PPP1R12B: variants seen among roughly 807,000 people sequenced by gnomAD.
The protein encoded by PPP1R12B is protein phosphatase 1 regulatory subunit 12B.
A neutral mutation model predicts 126.1 loss-of-function variants in PPP1R12B; 76 were observed. The ratio of observed to expected loss-of-function variants is 0.60; its 90% CI spans 0.50 to 0.73. PPP1R12B has a LOEUF of 0.73. PPP1R12B is among the 30% of genes least tolerant of loss of function. The probability of loss-of-function intolerance (pLI) is 0.00; values close to 1 mark genes in which losing one functional copy is unlikely to be tolerated. For synonymous variants in PPP1R12B, 356 were observed against 434.7 expected, an observed-to-expected ratio of 0.82 and a Z score of 2.25; for missense variants, 1,052 against 1,205.1, an observed-to-expected ratio of 0.87 and a Z score of 1.88.
chr1:202,438,061 G>GA (rs1553285909), intron 10 of PPP1R12B, 37 bp downstream of exon 10: 9 of 1,430,394 alleles, frequency 6.3e-6, no homozygotes, highest in Middle Eastern at 1.8e-4. Context: ...TTCCAAGGCA[G>GA]TTTTTTTTTT....
At chr1:202,528,277 A>G (rs1466578720) in intron 18 of PPP1R12B, among the ~76,000 whole-genome samples, 1 of 152,258 alleles carries the variant, frequency 6.6e-6, no homozygotes, top group Non-Finnish European at 1.5e-5. Context: ...CATATGCAAT[A>G]TCATACAAAC....
At chr1:202,410,422 G>C (rs1667239372) in intron 1 of PPP1R12B, among the ~76,000 whole-genome samples, 1 of 152,258 alleles carries the variant, frequency 6.6e-6, no homozygotes, top group African/African-American at 2.4e-5. Context: ...ATGGGGAAGA[G>C]AGTTGTTCTG....
At chr1:202,509,731 T>G (rs1018353280) in intron 18 of PPP1R12B, among the ~76,000 whole-genome samples, 5 of 152,178 alleles carry the variant, frequency 3.3e-5, no homozygotes, top group African/African-American at 1.2e-4. Context: ...TTTTGCCTTG[T>G]CAACGCTTAG....
intron 22 of PPP1R12B, 33 bp from the exon 23 acceptor site, chr1:202,569,114 A>G (rs756951434): frequency 4.9e-5 from 78 of 1,607,214 alleles, no homozygotes; most frequent in Admixed American, 6.7e-5. Context: ...TCTGAATTCA[A>G]TAATGTTCAA....
intron 15 of PPP1R12B, among the ~76,000 whole-genome samples, 192 bp from the exon 16 acceptor site, chr1:202,495,098 GTTT>G (rs768986892): frequency 7.9e-6 from 1 of 126,094 alleles, no homozygotes. Context: ...TAGCAGCTGT[GTTT>G]TTTTTTTTTT....
chr1:202,413,014 T>C (rs2148605207), intron 1 of PPP1R12B, among the ~76,000 whole-genome samples: 1 of 152,100 alleles, frequency 6.6e-6, no homozygotes, highest in South Asian at 2.1e-4. Context: ...GAATGGGATA[T>C]ACTTGTGGAA....
At chr1:202,525,751 G>A (rs1282149688) in intron 18 of PPP1R12B, among the ~76,000 whole-genome samples, 1 of 152,086 alleles carries the variant, frequency 6.6e-6, no homozygotes, top group Admixed American at 6.5e-5. Context: ...CTGGAGTGGT[G>A]CAATGGTGCA....
intron 1 of PPP1R12B, among the ~76,000 whole-genome samples, chr1:202,412,674 C>T (rs1212947189): frequency 1.3e-5 from 2 of 152,162 alleles, no homozygotes; most frequent in African/African-American, 4.8e-5. Flanking sequence ...GCACATTTGA[C>T]CTTCTTGATA....
chr1:202,437,700 GTTC>G (rs1023323858), intron 9 of PPP1R12B, 118 bp from the exon 10 acceptor site: 17 of 855,752 alleles, frequency 2.0e-5, no homozygotes, highest in African/African-American at 3.4e-5. Context: ...CCATGTATTT[GTTC>G]TTCTTAGCTA....
At chr1:202,413,639 G>A (rs909782778) in intron 1 of PPP1R12B, among the ~76,000 whole-genome samples, 1 of 151,960 alleles carries the variant, frequency 6.6e-6, no homozygotes, top group Non-Finnish European at 1.5e-5. Context: ...AAAATATGTA[G>A]TTATTAAATA....
intron 1 of PPP1R12B, among the ~76,000 whole-genome samples, chr1:202,385,878 A>G (rs1202333161): frequency 1.3e-5 from 2 of 152,018 alleles, no homozygotes; most frequent in Non-Finnish European, 1.5e-5. Context: ...GGACAATTAT[A>G]ATAAGGAGAC....
intron 18 of PPP1R12B, among the ~76,000 whole-genome samples, chr1:202,500,546 A>G (rs1680111842): frequency 6.6e-6 from 1 of 152,222 alleles, no homozygotes; most frequent in Admixed American, 6.5e-5. Context: ...AGTTGAGCTC[A>G]TAGAAGTAGA....
chr1:202,567,860 C>T (rs1429268756), intron 22 of PPP1R12B, 29 bp downstream of exon 22: 15 of 1,608,930 alleles, frequency 9.3e-6, no homozygotes, highest in Non-Finnish European at 1.3e-5. Context: ...CCCCCTCCAC[C>T]CCATTTCATC....
chr1:202,431,209 AT>A (rs1317052364), intron 7 of PPP1R12B, among the ~76,000 whole-genome samples: 3 of 152,100 alleles, frequency 2.0e-5, no homozygotes, highest in African/African-American at 7.2e-5. Flanking sequence ...TTGTTAAATG[AT>A]TTTTTTGAAT....
At chr1:202,566,112 C>T (rs1277855435) in intron 21 of PPP1R12B, among the ~76,000 whole-genome samples, 1 of 152,228 alleles carries the variant, frequency 6.6e-6, no homozygotes, top group Non-Finnish European at 1.5e-5. Flanking sequence ...CCACTCTTCT[C>T]AGCGGAAGCT....
chr1:202,529,827 A>T lies in PPP1R12B; in HGVS notation c.2491-29050A>T, dbSNP rs1683742906. Among the ~76,000 whole-genome samples the T allele has an allele frequency of 2.0e-5, 3 of 152,306 alleles. No individual in the cohort carries two copies. The South Asian group carries it at 6.2e-4, about 32-fold the overall frequency. On this transcript the variant is annotated intron_variant, in intron 18 of 23. Transcript: ENST00000608999. ...TATTTTAAAAGTTATTCTAAAATTAATTCTGTACCTTTCTCCTCTGTACCT... is the reference window on the plus strand; with the variant it reads ...TATTTTAAAAGTTATTCTAAAATTATTTCTGTACCTTTCTCCTCTGTACCT...
intron 1 of PPP1R12B, among the ~76,000 whole-genome samples, chr1:202,372,998 T>C (rs1346575567): frequency 6.6e-6 from 1 of 152,068 alleles, no homozygotes; most frequent in East Asian, 1.9e-4. Context: ...ACACTGGCAC[T>C]ATCTTGGCTC....
intron 22 of PPP1R12B, among the ~76,000 whole-genome samples, chr1:202,568,645 C>G (rs185787804): frequency 2.6e-5 from 4 of 152,074 alleles, no homozygotes; most frequent in African/African-American, 7.2e-5. Context: ...AGAGAAGCAA[C>G]TACAGGGGGA....
intron 8 of PPP1R12B, among the ~76,000 whole-genome samples, chr1:202,433,385 G>T (rs371120127): frequency 7.1e-4 from 108 of 152,196 alleles, no homozygotes; most frequent in Middle Eastern, 6.8e-3. Flanking sequence ...TCTTCACATT[G>T]CTATTGGCAT....
Sources: gnomAD v4.1 joint callset for allele counts (sites outside exome capture counted in the v4.1 genomes callset) on GRCh38, gnomAD v4.1.1 for gene constraint, MANE v1.5 for transcripts, NCBI Gene and HGNC (gene_info 2026-07-23, HGNC 2026-07-21) for gene names.